The following POMT2 variants were observed in gnomAD, a reference collection of about 807,000 sequenced individuals.
POMT2 encodes the protein protein O-mannosyl-transferase 2.
Under a neutral mutation model 100.0 loss-of-function variants are expected in POMT2, and 75 were observed. The ratio of observed to expected loss-of-function variants is 0.75; its 90% CI spans 0.62 to 0.91. POMT2 has a LOEUF of 0.91. Among genes scored for constraint, POMT2 ranks in the 40% least tolerant of loss-of-function variants. The probability of loss-of-function intolerance (pLI) is 0.00; values close to 1 mark genes in which losing one functional copy is unlikely to be tolerated. For synonymous variants in POMT2, 378 were observed against 374.1 expected (o/e 1.01, Z -0.12); for missense variants, 940 against 955.1 (o/e 0.98, Z 0.21).
intron 9 of POMT2, among the ~76,000 whole-genome samples, chr14:77,295,018 C>T (rs764279948): frequency 6.6e-5 from 10 of 152,138 alleles, no homozygotes; most frequent in Admixed American, 1.3e-4. Flanking sequence ...ACTAAAGTTA[C>T]CTTTCTAAAC....
At position 77,302,634 on chromosome 14, in the gene POMT2, T is replaced by C. The variant is rs368037394; in HGVS notation, c.656+201A>G. ...GGTCTTGAATATGGCAAAAATAAAA[T>C]CACCTGTAGAAAACTTTTTAAAATC... On this transcript the variant is annotated intron_variant, in intron 5 of 20. Transcript: ENST00000261534. Among the ~76,000 whole-genome samples the C allele has an allele frequency of 1.8e-3, 275 of 152,114 alleles. 1 individual carries two copies. The highest frequency in any genetic ancestry group is 6.3e-3 in the African/African-American group (262 of 41,472).
chr14:77,290,302 C>A (rs1890589034), intron 10 of POMT2, among the ~76,000 whole-genome samples: 1 of 152,206 alleles, frequency 6.6e-6, no homozygotes, highest in Non-Finnish European at 1.5e-5. Context: ...ATAGAACACT[C>A]ACGTTTGGCC....
chr14:77,302,759 C>CT (rs1891089032), intron 5 of POMT2, 76 bp downstream of exon 5: 1 of 1,252,368 alleles, frequency 8.0e-7, no homozygotes, highest in African/African-American at 1.5e-5. Context: ...GGCACCCGCC[C>CT]TGGCCCTGGC....
chr14:77,295,506 C>T (rs1270477033), intron 9 of POMT2, among the ~76,000 whole-genome samples: 4 of 151,926 alleles, frequency 2.6e-5, no homozygotes, highest in Non-Finnish European at 5.9e-5. Context: ...GTGGCGGGTG[C>T]CTGTAGTCCC....
rs1371251983 is a variant in POMT2 at position 77,298,892 on chromosome 14, A to G, written c.924-121T>C. 10 of 972,190 alleles carry G rather than the reference A, an allele frequency of 1.0e-5. No homozygotes were observed. The East Asian group carries it at 2.6e-4, about 25-fold the overall frequency. The allele number at this position is 972,190 out of a possible 1,614,324, so 60.2% of individuals were successfully genotyped here. ...GGAAAGTAGAATCAGATCATGGGACAGAGGTGGGTGATGGAGTTGGAGAAA... is the reference window on the plus strand; with the variant it reads ...GGAAAGTAGAATCAGATCATGGGACGGAGGTGGGTGATGGAGTTGGAGAAA... On this transcript the variant is annotated intron_variant, in intron 7 of 20. Coordinates refer to ENST00000261534, the MANE Select transcript of POMT2 (RefSeq NM_013382.7).
chr14:77,286,540 G>A (rs1890429902), intron 12 of POMT2, among the ~76,000 whole-genome samples: 3 of 152,222 alleles, frequency 2.0e-5, no homozygotes, highest in South Asian at 4.1e-4. Flanking sequence ...TATGTGAGGA[G>A]AGAGATGGAG....
At chr14:77,317,831 G>A (rs1360709913) in intron 1 of POMT2, among the ~76,000 whole-genome samples, 2 of 152,226 alleles carry the variant, frequency 1.3e-5, no homozygotes, top group South Asian at 2.1e-4. Context: ...GGCTATCTAT[G>A]TAATTCAGAC....
At chr14:77,293,235 G>A (rs1594790301) in intron 9 of POMT2, among the ~76,000 whole-genome samples, 1 of 152,224 alleles carries the variant, frequency 6.6e-6, no homozygotes, top group Non-Finnish European at 1.5e-5. Context: ...AAGGTTCTAT[G>A]ATGCTCGTGT....
chr14:77,285,802 A>G lies in POMT2; in HGVS notation c.1333-170T>C, dbSNP rs997577022. Among the ~76,000 whole-genome samples, 3 of 152,212 alleles carry G rather than the reference A, an allele frequency of 2.0e-5. No individual in the cohort carries two copies. In the South Asian group the frequency reaches 6.2e-4, roughly 32 times the overall value. Reference sequence around the variant, plus strand: ...TACAAGAAGGCCAAAGAAATATCCCAGGTGATTGGCATTGTCCCAAAACTC... The same window carrying G: ...TACAAGAAGGCCAAAGAAATATCCCGGGTGATTGGCATTGTCCCAAAACTC... On this transcript the variant is annotated intron_variant, in intron 12 of 20. Coordinates refer to ENST00000261534, the MANE Select transcript of POMT2 (RefSeq NM_013382.7).
intron 11 of POMT2, 110 bp downstream of exon 11, chr14:77,288,651 TG>T (rs1890526857): frequency 2.2e-6 from 2 of 901,666 alleles, no homozygotes; most frequent in African/African-American, 3.3e-5. Context: ...ACTGTGGCCT[TG>T]CTCCATTGAC....
intron 5 of POMT2, among the ~76,000 whole-genome samples, chr14:77,302,515 A>AC (rs1352558790): frequency 1.3e-5 from 2 of 151,938 alleles, no homozygotes; most frequent in African/African-American, 4.8e-5. Flanking sequence ...AAGTATTAGG[A>AC]CCCCCCATGA....
At chr14:77,280,177 C>T in intron 16 of POMT2, 97 bp from the exon 17 acceptor site, 1 of 1,601,242 alleles carries the variant, frequency 6.2e-7, no homozygotes, top group Non-Finnish European at 8.5e-7. Context: ...AGACAGGGAG[C>T]CTGGACACGA....
At chr14:77,278,161 ACCGG>A (rs1890046470) in intron 20 of POMT2, 2 of 546,696 alleles carry the variant, frequency 3.7e-6, no homozygotes, top group Non-Finnish European at 6.7e-6. Flanking sequence ...AAGCTGAACC[ACCGG>A]CAGAAGGGGA....
rs143725673 is a variant in POMT2 at position 77,300,009 on chromosome 14, G to A, written c.817-448C>T. On this transcript the variant is annotated intron_variant, in intron 6 of 20. Coordinates refer to ENST00000261534, the MANE Select transcript of POMT2 (RefSeq NM_013382.7). ...CTTCCTGGATTGCCTGGGACTGGCC[G>A]AGTGCCCTTTTCTGTGCTCTCCCAG... 1,280 of 261,362 alleles carry A rather than the reference G, an allele frequency of 4.9e-3. 16 individuals are homozygous for A. The highest frequency in any genetic ancestry group is 0.025 in the African/African-American group (1,151 of 45,310). 16.2% of individuals were successfully genotyped at this position (261,362 alleles called of 1,614,324 possible). A position where few individuals can be genotyped will look rare whatever the true frequency, so the allele number is the denominator to read the frequency against.
At chr14:77,307,403 T>A (rs146814254) in intron 2 of POMT2, among the ~76,000 whole-genome samples, 144 of 152,344 alleles carry the variant, frequency 9.5e-4, no homozygotes, top group African/African-American at 3.2e-3. Flanking sequence ...TAGCTCCAGG[T>A]CAAGGTATAG....
In POMT2 at chr14:77,274,970, T is replaced by TA. The variant is rs1230519216; in HGVS notation, c.*2405dup. The TA allele has an allele frequency of 6.6e-6, 1 of 152,238 alleles. No individual in the cohort carries two copies. The highest frequency in any genetic ancestry group is 1.5e-5 in the Non-Finnish European group (1 of 68,042). The allele number at this position is 152,238 out of a possible 1,614,324, so 9.4% of individuals were successfully genotyped here. ...ACAACAAGGCATTCAAAACAAGTGT[T>TA]ATTTATTATAAAATCAGTGGCTTCT... On this transcript the variant is annotated 3_prime_UTR_variant, in exon 21 of 21. Coordinates refer to ENST00000261534, the MANE Select transcript of POMT2 (RefSeq NM_013382.7).
At chr14:77,278,909 C>G in intron 18 of POMT2, 40 bp from the exon 19 acceptor site, 1 of 1,600,956 alleles carries the variant, frequency 6.2e-7, no homozygotes, top group South Asian at 1.1e-5. Flanking sequence ...AGACAAGGAG[C>G]GGGCAGAGAT....
At position 77,317,442 on chromosome 14, in the gene POMT2, G is replaced by T. The variant is rs577281605; in HGVS notation, c.248+2992C>A. ...CAGTCTGACACTGGCATATCTTTTT[G>T]TCGCAATGGCCACCCAACAGTGTCA... On this transcript the variant is annotated intron_variant, in intron 1 of 20. Coordinates refer to ENST00000261534, the MANE Select transcript of POMT2 (RefSeq NM_013382.7). Among the ~76,000 whole-genome samples the T allele has an allele frequency of 2.2e-3, 330 of 152,218 alleles. 2 individuals are homozygous for T. The highest frequency in any genetic ancestry group is 3.9e-3 in the Non-Finnish European group (267 of 68,020).
intron 1 of POMT2, 81 bp downstream of exon 1, chr14:77,320,353 C>T: frequency 6.5e-7 from 1 of 1,538,750 alleles, no homozygotes; most frequent in Admixed American, 2.0e-5. Context: ...GATCCCGCCC[C>T]CTCCGTACCC....
Sources: allele counts gnomAD v4.1 joint callset (sites outside exome capture counted in the v4.1 genomes callset), GRCh38; gene constraint gnomAD v4.1.1; transcripts MANE v1.5; gene names NCBI Gene and HGNC (gene_info 2026-07-23, HGNC 2026-07-21).